Variants in RARB observed in about 807,000 individuals in gnomAD.
RARB encodes the protein retinoic acid receptor beta, also known as HBV-activated protein.
RARB carries 17 observed loss-of-function variants against 51.9 expected under a neutral mutation model. The ratio of observed to expected loss-of-function variants is 0.33; its 90% CI spans 0.22 to 0.49. The LOEUF is 0.49. Ranked by LOEUF, RARB falls within the 20% of genes least tolerant of loss-of-function variation. RARB has a pLI of 0.99. For synonymous variants in RARB, 215 were observed against 195.4 expected (o/e 1.10, Z -0.84); for missense variants, 369 against 550.8 (o/e 0.67, Z 3.30).
chr3:24,840,701 C>T (rs950209391), intron 1 of RARB, among the ~76,000 whole-genome samples: 1 of 146,954 alleles, frequency 6.8e-6, no homozygotes, highest in African/African-American at 2.5e-5. Flanking sequence ...TTTGCTGTTG[C>T]CCCTACAGAA....
intron 3 of RARB, among the ~76,000 whole-genome samples, chr3:25,502,318 A>G (rs900201235): frequency 3.3e-5 from 5 of 152,174 alleles, no homozygotes; most frequent in Non-Finnish European, 5.9e-5. Context: ...GGGCTCTTAG[A>G]TGTTGGAACT....
intron 2 of RARB, among the ~76,000 whole-genome samples, chr3:24,969,954 C>T (rs1398863656): frequency 1.3e-5 from 2 of 152,026 alleles, no homozygotes; most frequent in Non-Finnish European, 2.9e-5. Flanking sequence ...TTGGATAGGA[C>T]ACTATATACC....
intron 1 of RARB, among the ~76,000 whole-genome samples, chr3:24,851,424 T>C (rs1370876967): frequency 6.8e-6 from 1 of 146,342 alleles, no homozygotes; most frequent in Non-Finnish European, 1.5e-5. Flanking sequence ...TGAGACTTTG[T>C]CTCAAAAAAA....
intron 5 of RARB, among the ~76,000 whole-genome samples, chr3:25,217,467 A>G (rs1399485129): frequency 2.0e-5 from 3 of 152,032 alleles, no homozygotes; most frequent in African/African-American, 7.3e-5. Context: ...TTGAGAGAGG[A>G]CAAAGGGGGC....
intron 4 of RARB, among the ~76,000 whole-genome samples, chr3:25,142,614 C>T (rs1360702973): frequency 2.0e-5 from 3 of 150,860 alleles, no homozygotes; most frequent in East Asian, 3.9e-4. Flanking sequence ...GTAAATATCC[C>T]ATCTGTGTCA....
intron 1 of RARB, among the ~76,000 whole-genome samples, chr3:25,456,169 G>C (rs1694894886): frequency 6.6e-6 from 1 of 152,224 alleles, no homozygotes; most frequent in South Asian, 2.1e-4. Context: ...GGCCTCTCAA[G>C]GGCATTTGAT....
chr3:24,869,617 A>T (rs1407346470), intron 2 of RARB, among the ~76,000 whole-genome samples: 7 of 152,120 alleles, frequency 4.6e-5, no homozygotes, highest in Non-Finnish European at 8.8e-5. Flanking sequence ...TCTTTTCATT[A>T]TTCTTTGGAA....
At chr3:24,914,108 A>T (rs898226026) in intron 2 of RARB, among the ~76,000 whole-genome samples, 4 of 152,214 alleles carry the variant, frequency 2.6e-5, no homozygotes, top group African/African-American at 9.6e-5. Context: ...AAGAGAAAGG[A>T]TCACAGATGG....
In RARB at chr3:25,050,951, C is replaced by G. The variant is rs916659406; in HGVS notation, c.-379-9174C>G. ...TTTAATTCTTTCTGGTGCACCAAGTCTCCCATATGCTTTCCAGCTTCTAAA... is the reference window on the plus strand; with the variant it reads ...TTTAATTCTTTCTGGTGCACCAAGTGTCCCATATGCTTTCCAGCTTCTAAA... On this transcript the variant is annotated intron_variant, in intron 2 of 11. Transcript: ENST00000383772. Among the ~76,000 whole-genome samples the G allele has an allele frequency of 3.9e-5, 6 of 152,274 alleles. No homozygotes were observed. In the East Asian group the frequency reaches 1.2e-3, roughly 29 times the overall value.
chr3:24,869,886 AGTT>A (rs1702915383), intron 2 of RARB, among the ~76,000 whole-genome samples: 1 of 152,070 alleles, frequency 6.6e-6, no homozygotes, highest in Admixed American at 6.6e-5. Flanking sequence ...TGAGTATTCC[AGTT>A]GTTTTATACG....
At chr3:25,355,117 T>A (rs568837331) in intron 5 of RARB, among the ~76,000 whole-genome samples, 32 of 152,136 alleles carry the variant, frequency 2.1e-4, no homozygotes, top group Non-Finnish European at 4.4e-4. Context: ...TTAAATAATA[T>A]TTGTAAACAG....
intron 5 of RARB, among the ~76,000 whole-genome samples, chr3:25,338,056 A>G (rs958340329): frequency 1.3e-5 from 2 of 150,506 alleles, no homozygotes; most frequent in African/African-American, 4.9e-5. Context: ...ACCGTTATTG[A>G]GCATTGAAGC....
chr3:25,338,118 CA>C (rs2125449140), intron 5 of RARB, among the ~76,000 whole-genome samples: 1 of 124,416 alleles, frequency 8.0e-6, no homozygotes. Context: ...CACACACACA[CA>C]CACACACACA....
At chr3:25,313,273 A>T (rs1704335830) in intron 5 of RARB, among the ~76,000 whole-genome samples, 2 of 152,326 alleles carry the variant, frequency 1.3e-5, no homozygotes, top group African/African-American at 4.8e-5. Flanking sequence ...CAGACTTAGA[A>T]TTAAGAGTTA....
chr3:25,260,199 T>G (rs2125406338), intron 5 of RARB, among the ~76,000 whole-genome samples: 1 of 152,260 alleles, frequency 6.6e-6, no homozygotes, highest in South Asian at 2.1e-4. Context: ...CCTTTAAGCC[T>G]GGTTGGAAGA....
At chr3:24,981,611 G>C (rs1257382016) in intron 2 of RARB, among the ~76,000 whole-genome samples, 1 of 152,080 alleles carries the variant, frequency 6.6e-6, no homozygotes, top group Non-Finnish European at 1.5e-5. Context: ...AGGGAATCTC[G>C]TGGTCTGCTG....
chr3:25,128,474 G>GAAATATATCTAGTATATAATATATACTA (rs1362161343), intron 3 of RARB, among the ~76,000 whole-genome samples: 8 of 147,108 alleles, frequency 5.4e-5, no homozygotes, highest in Non-Finnish European at 1.0e-4. Context: ...CTATATACTA[G>GAAATATATCTAGTATATAATATATACTA]AAATATATCT....
intron 2 of RARB, among the ~76,000 whole-genome samples, chr3:24,991,107 A>G (rs1696900123): frequency 6.6e-6 from 1 of 152,194 alleles, no homozygotes; most frequent in Non-Finnish European, 1.5e-5. Context: ...AGTCTTCAAT[A>G]TTTTGTTTTG....
chr3:25,014,826 A>G (rs1463481629), intron 2 of RARB, among the ~76,000 whole-genome samples: 2 of 152,078 alleles, frequency 1.3e-5, no homozygotes, highest in Non-Finnish European at 2.9e-5. Flanking sequence ...TAAGGATAGT[A>G]TCACAGGAAT....
Sources: allele counts gnomAD v4.1 joint callset (sites outside exome capture counted in the v4.1 genomes callset), GRCh38; gene constraint gnomAD v4.1.1; transcripts MANE v1.5; gene names NCBI Gene and HGNC (gene_info 2026-07-23, HGNC 2026-07-21).